Variants in RGS22 observed in about 807,000 individuals in gnomAD.
The protein encoded by RGS22 is regulator of G protein signaling 22, also known as regulator of G-protein signaling 22.
RGS22 carries 148 observed loss-of-function variants against 172.9 expected under a neutral mutation model. The observed-to-expected ratio is 0.86, with a 90% CI of 0.75 to 0.98. The LOEUF (loss-of-function observed/expected upper bound fraction) is 0.98. RGS22 is among the 50% of genes least tolerant of loss of function. The pLI is 0.00. For synonymous variants in RGS22, 458 were observed against 480.2 expected (o/e 0.95, Z 0.60); for missense variants, 1,347 against 1,440.8 (o/e 0.93, Z 1.05).
At chr8:99,974,549 C>A (rs1283291389) in intron 23 of RGS22, among the ~76,000 whole-genome samples, 4 of 152,236 alleles carry the variant, frequency 2.6e-5, no homozygotes, top group African/African-American at 9.6e-5. Flanking sequence ...CCTGTAATCA[C>A]AGCACTTTGG....
chr8:99,977,967 T>C lies in RGS22; in HGVS notation c.3469A>G (p.Asn1157Asp), dbSNP rs202204085. The change falls in exon 23 of 28, where the codon AAT becomes GAT. Residue 1157 changes from asparagine (N) to aspartate (D), a missense_variant. Physicochemically the swap from Asn to Asp is conservative, Grantham distance 23 (BLOSUM62 1). Transcript: ENST00000360863. ...MSVLERRQEY[N>D]KQKKKLAVLE... ...ACTGCCAATTTTTTTTTCTGCTTAT[T>C]ATATTCTTGTCTTCTCTCTAAAACA... is the stretch of plus-strand genomic sequence containing the variant. 3.2e-6 allele frequency: 5 copies of C among 1,566,148 alleles called. No homozygotes were observed. In the Admixed American group the frequency reaches 1.0e-4, roughly 33 times the overall value.
intron 16 of RGS22, 163 bp from the exon 17 acceptor site, chr8:100,004,261 C>G (rs1815435673): frequency 1.2e-5 from 5 of 401,394 alleles, no homozygotes; most frequent in Non-Finnish European, 1.7e-5. Flanking sequence ...GAATCTGATT[C>G]AGATTCTAAC....
chr8:99,989,171 C>T (rs1813419894), intron 20 of RGS22, among the ~76,000 whole-genome samples: 2 of 152,016 alleles, frequency 1.3e-5, no homozygotes. Context: ...TACATACATT[C>T]CTCCAATATT....
chr8:100,063,055 T>C (rs1255544766), intron 8 of RGS22, among the ~76,000 whole-genome samples: 1 of 152,184 alleles, frequency 6.6e-6, no homozygotes, highest in African/African-American at 2.4e-5. Flanking sequence ...TAGGTGTCTA[T>C]TTTATGCTAG....
intron 27 of RGS22, among the ~76,000 whole-genome samples, chr8:99,961,472 C>T (rs1313113772): frequency 1.3e-5 from 2 of 152,124 alleles, no homozygotes; most frequent in African/African-American, 4.8e-5. Flanking sequence ...GGGCTTTTCC[C>T]CCTTTTGCTT....
At chr8:100,027,454 G>C (rs1289764486) in intron 14 of RGS22, among the ~76,000 whole-genome samples, 1 of 152,000 alleles carries the variant, frequency 6.6e-6, no homozygotes, top group East Asian at 1.9e-4. Flanking sequence ...AAAAGGTTGT[G>C]ATTCAATGTA....
At chr8:100,100,868 T>C (rs950528874) in intron 2 of RGS22, among the ~76,000 whole-genome samples, 1 of 152,232 alleles carries the variant, frequency 6.6e-6, no homozygotes, top group African/African-American at 2.4e-5. Flanking sequence ...ATAGTAAGAT[T>C]ACAAGGTAGT....
At chr8:99,991,542 A>C (rs1813720916) in intron 20 of RGS22, among the ~76,000 whole-genome samples, 2 of 152,190 alleles carry the variant, frequency 1.3e-5, no homozygotes. Flanking sequence ...TTAATGAAAT[A>C]AAGCAAGAAG....
At chr8:100,010,590 C>G (rs1816268156) in intron 14 of RGS22, among the ~76,000 whole-genome samples, 1 of 152,180 alleles carries the variant, frequency 6.6e-6, no homozygotes. Context: ...CTCTATAATG[C>G]AGTTATGTAT....
intron 14 of RGS22, among the ~76,000 whole-genome samples, chr8:100,023,000 GATAA>G (rs1817784821): frequency 1.3e-5 from 2 of 151,884 alleles, no homozygotes; most frequent in Admixed American, 1.3e-4. Flanking sequence ...AAAATGCTGA[GATAA>G]ATAATTCAAT....
intron 2 of RGS22, among the ~76,000 whole-genome samples, chr8:100,102,223 T>C (rs1813550585): frequency 6.6e-6 from 1 of 152,258 alleles, no homozygotes; most frequent in Non-Finnish European, 1.5e-5. Context: ...ATTTGATCTC[T>C]ATAAACATCA....
chr8:100,047,526 T>G lies in RGS22; in HGVS notation c.1760A>C (p.Gln587Pro). The change falls in exon 11 of 28, where the codon CAA (glutamine) becomes CCA (proline). Residue 587 changes from glutamine to proline, a missense_variant. Coordinates refer to ENST00000360863, the MANE Select transcript of RGS22 (RefSeq NM_015668.5). The part of the protein sequence containing the change: ...NKSPEVKTAT[Q>P]KPWKRELLYP... ...CAAAAGCTCCCGCTTCCAAGGCTTT[T>G]GAGTTGCTGTTTTTACTTCAGGTGA... is the stretch of plus-strand genomic sequence containing the variant. 3.7e-6 allele frequency: 6 copies of G among 1,613,332 alleles called. No homozygotes were observed. The highest frequency in any genetic ancestry group is 5.1e-6 in the Non-Finnish European group (6 of 1,179,638).
intron 4 of RGS22, among the ~76,000 whole-genome samples, chr8:100,077,231 T>C (rs1811423071): frequency 6.6e-6 from 1 of 152,152 alleles, no homozygotes; most frequent in East Asian, 1.9e-4. Context: ...GATTTTTCTC[T>C]CTTGTTTTTC....
intron 3 of RGS22, among the ~76,000 whole-genome samples, chr8:100,088,293 T>C (rs964827929): frequency 6.6e-6 from 1 of 152,138 alleles, no homozygotes; most frequent in African/African-American, 2.4e-5. Flanking sequence ...GAGGAGGGTA[T>C]AGAACAGGCC....
chr8:100,056,554 A>G (rs1377388264), intron 9 of RGS22, among the ~76,000 whole-genome samples: 1 of 152,046 alleles, frequency 6.6e-6, no homozygotes, highest in East Asian at 1.9e-4. Flanking sequence ...CAGCCTAGGG[A>G]CTTGGTGCCC....
intron 14 of RGS22, among the ~76,000 whole-genome samples, chr8:100,011,463 T>A (rs1322845146): frequency 2.6e-5 from 4 of 152,202 alleles, no homozygotes; most frequent in Non-Finnish European, 5.9e-5. Flanking sequence ...AGAAAAATCC[T>A]TTTGTGCAGC....
At chr8:100,060,402 G>GTATGTATATATATATATATATATATATA (rs1810017944) in intron 9 of RGS22, among the ~76,000 whole-genome samples, 2 of 102,934 alleles carry the variant, frequency 1.9e-5, no homozygotes, top group South Asian at 6.4e-4. Flanking sequence ...TTAGCTACGT[G>GTATGTATATATATATATATATATATATA]TATATATATA....
intron 9 of RGS22, among the ~76,000 whole-genome samples, chr8:100,053,844 C>T (rs1242845845): frequency 6.6e-6 from 1 of 152,058 alleles, no homozygotes; most frequent in African/African-American, 2.4e-5. Flanking sequence ...CCATGTTAGC[C>T]AGGATGGTCT....
At chr8:99,967,532 C>A (rs1050673247) in intron 23 of RGS22, among the ~76,000 whole-genome samples, 9 of 152,140 alleles carry the variant, frequency 5.9e-5, no homozygotes, top group Admixed American at 3.9e-4. Flanking sequence ...CTGGGACACT[C>A]GAGCTTGGTA....
Sources: allele counts gnomAD v4.1 joint callset (sites outside exome capture counted in the v4.1 genomes callset), GRCh38; gene constraint gnomAD v4.1.1; transcripts MANE v1.5; gene names NCBI Gene and HGNC (gene_info 2026-07-23, HGNC 2026-07-21).